Variants in MPDZ observed in about 807,000 individuals in gnomAD.
MPDZ encodes multiple PDZ domain crumbs cell polarity complex component.
MPDZ carries 234 observed loss-of-function variants against 239.1 expected under a neutral mutation model. That is an observed-to-expected ratio of 0.98 (90% CI 0.88 to 1.09). The LOEUF (loss-of-function observed/expected upper bound fraction) is 1.09, where lower values mean the gene tolerates loss of function less well. Among genes scored for constraint, MPDZ ranks in the 50% least tolerant of loss-of-function variants. MPDZ has a pLI of 0.00. For missense variants in MPDZ, 3,175 were observed against 2,510.0 expected (o/e 1.26, Z -5.66); for synonymous variants, 1,048 against 881.3 (o/e 1.19, Z -3.35).
At chr9:13,123,012 C>A in intron 36 of MPDZ, 141 bp downstream of exon 36, 1 of 848,082 alleles carries the variant, frequency 1.2e-6, no homozygotes, top group Non-Finnish European at 1.7e-6. Context: ...TGAATATTTG[C>A]CCTATAAATT....
intron 31 of MPDZ, chr9:13,135,504 A>G (rs1375784410): frequency 6.6e-6 from 1 of 151,978 alleles, no homozygotes; most frequent in Non-Finnish European, 1.5e-5. Context: ...GCTACCTCTG[A>G]TTTTTCTCTA....
At chr9:13,226,996 G>C (rs1960835172) in intron 3 of MPDZ, among the ~76,000 whole-genome samples, 1 of 151,874 alleles carries the variant, frequency 6.6e-6, no homozygotes, top group African/African-American at 2.4e-5. Context: ...TTTCATCACG[G>C]TGTTCCTATC....
chr9:13,214,790 A>G (rs1485973868), intron 10 of MPDZ, among the ~76,000 whole-genome samples: 1 of 152,052 alleles, frequency 6.6e-6, no homozygotes, highest in African/African-American at 2.4e-5. Context: ...ATGGAGATAC[A>G]CAGAGAAAGC....
intron 25 of MPDZ, 26 bp downstream of exon 25, chr9:13,150,485 A>G (rs750983555): frequency 6.9e-7 from 1 of 1,442,002 alleles, no homozygotes; most frequent in Non-Finnish European, 9.1e-7. Flanking sequence ...AACAAATTTT[A>G]GCACAGAAAG....
intron 1 of MPDZ, among the ~76,000 whole-genome samples, chr9:13,264,132 C>A: frequency 6.6e-6 from 1 of 152,208 alleles, no homozygotes. Flanking sequence ...TTATTACTTA[C>A]AAGTATTCTT....
At chr9:13,206,234 G>C in intron 10 of MPDZ, 135 bp from the exon 11 acceptor site, 1 of 780,918 alleles carries the variant, frequency 1.3e-6, no homozygotes, top group Non-Finnish European at 2.0e-6. Flanking sequence ...TCAGGGAATT[G>C]ACAGTAAGAC....
intron 22 of MPDZ, among the ~76,000 whole-genome samples, chr9:13,163,968 CAG>C (rs1440410484): frequency 6.6e-6 from 1 of 152,150 alleles, no homozygotes; most frequent in Non-Finnish European, 1.5e-5. Context: ...TGCTACCACG[CAG>C]AGTGTCATGG....
In MPDZ at chr9:13,183,539, G is replaced by C; in HGVS notation, c.2528C>G (p.Ser843Cys). ...GCTGTCATTTTCAGGAGAGTATGGA[G>C]ACTCAAATGTGGATTCATCTACTAA... ...ADLVDESTFE[S>C]PYSPENDSIY... Residue 843 changes from serine (S) to cysteine (C), a missense_variant, in exon 19 of 47, where the codon TCT (serine) becomes TGT (cysteine). Ser to Cys is a moderately radical substitution (Grantham distance 112). Transcript: ENST00000319217. 3 of 1,612,458 alleles carry C rather than the reference G, an allele frequency of 1.9e-6. No individual in the cohort carries two copies. The highest frequency in any genetic ancestry group is 1.7e-6 in the Non-Finnish European group (2 of 1,179,050).
chr9:13,120,784 A>C (rs1944226917), intron 38 of MPDZ: 1 of 152,206 alleles, frequency 6.6e-6, no homozygotes, highest in East Asian at 1.9e-4. Flanking sequence ...TCTGAAATAA[A>C]GATCACCATT....
At position 13,150,562 on chromosome 9, in the gene MPDZ, A is replaced by G. The variant is rs756059293; in HGVS notation, c.3579T>C (p.Asp1193=). Reference sequence around the variant, plus strand: ...AGGTTCCATTTTTGCCAGCTGGACTATCTTCCAGAACATGTTTGATGAAAA... The same window carrying G: ...AGGTTCCATTTTTGCCAGCTGGACTGTCTTCCAGAACATGTTTGATGAAAA... The part of the protein sequence containing the change: ...RGIFIKHVLE[D]SPAGKNGTLK... Residue 1193 remains aspartate (D), a synonymous_variant, in exon 25 of 47, where the codon GAT becomes GAC. Transcript: ENST00000319217. 6 of 1,574,232 alleles carry G rather than the reference A, an allele frequency of 3.8e-6. No homozygotes were observed.
chr9:13,160,534 T>C (rs1950333275), intron 23 of MPDZ, among the ~76,000 whole-genome samples: 1 of 151,886 alleles, frequency 6.6e-6, no homozygotes, highest in African/African-American at 2.4e-5. Context: ...ATTCTTTAAG[T>C]AAGTCATTTG....
intron 1 of MPDZ, among the ~76,000 whole-genome samples, chr9:13,277,168 G>A (rs1488100856): frequency 6.6e-6 from 1 of 152,122 alleles, no homozygotes; most frequent in Non-Finnish European, 1.5e-5. Flanking sequence ...ATAGGACTTT[G>A]AAGCACACTA....
chr9:13,190,698 T>A (rs151189227), intron 15 of MPDZ, among the ~76,000 whole-genome samples: 10 of 152,288 alleles, frequency 6.6e-5, no homozygotes, highest in African/African-American at 2.2e-4. Context: ...AATGGATATA[T>A]GCAAAAGTTC....
chr9:13,162,409 A>T (rs1028347049), intron 23 of MPDZ, among the ~76,000 whole-genome samples: 2 of 152,182 alleles, frequency 1.3e-5, no homozygotes, highest in East Asian at 3.9e-4. Context: ...AATAATACTC[A>T]TTTGGGGCAA....
At position 13,217,372 on chromosome 9, in the gene MPDZ, A is replaced by G. The variant is rs545050120; in HGVS notation, c.1087-78T>C. On this transcript the variant is annotated intron_variant, in intron 8 of 46. Coordinates refer to ENST00000319217, the MANE Select transcript of MPDZ (RefSeq NM_001378778.1). Reference sequence around the variant, plus strand: ...AACAAAAAACAAACAAACAAACAAAAAAACCATGATAAAATAAAGCCACAG... The same window carrying G: ...AACAAAAAACAAACAAACAAACAAAGAAACCATGATAAAATAAAGCCACAG... 25 of 936,004 alleles carry G rather than the reference A, an allele frequency of 2.7e-5. No homozygotes were observed. In the South Asian group the frequency reaches 3.7e-4, roughly 14 times the overall value. The allele number at this position is 936,004 out of a possible 1,614,324, so 58.0% of individuals were successfully genotyped here.
chr9:13,166,859 G>C (rs1488809205), intron 22 of MPDZ, among the ~76,000 whole-genome samples: 1 of 152,118 alleles, frequency 6.6e-6, no homozygotes, highest in Non-Finnish European at 1.5e-5. Context: ...AAGTTTTCTA[G>C]AGTTGACCAG....
chr9:13,186,466 G>A, intron 17 of MPDZ, 80 bp from the exon 18 acceptor site: 1 of 964,244 alleles, frequency 1.0e-6, no homozygotes, highest in Non-Finnish European at 1.6e-6. Flanking sequence ...AGTAAAGGTA[G>A]GAAAAGTGAG....
intron 3 of MPDZ, among the ~76,000 whole-genome samples, chr9:13,224,966 G>T (rs545969832): frequency 2.0e-5 from 3 of 152,144 alleles, no homozygotes; most frequent in East Asian, 3.9e-4. Flanking sequence ...TGAGTGATGA[G>T]GTATCTTTCT....
At chr9:13,159,118 A>G (rs771664555) in intron 23 of MPDZ, among the ~76,000 whole-genome samples, 2 of 152,154 alleles carry the variant, frequency 1.3e-5, no homozygotes, top group Non-Finnish European at 2.9e-5. Flanking sequence ...AACTGATATA[A>G]TATGTTGAAT....
Sources: allele counts gnomAD v4.1 joint callset (sites outside exome capture counted in the v4.1 genomes callset), GRCh38; gene constraint gnomAD v4.1.1; transcripts MANE v1.5; gene names NCBI Gene and HGNC (gene_info 2026-07-23, HGNC 2026-07-21).